Variants in ACP4 observed in about 807,000 individuals in gnomAD.
The protein encoded by ACP4 is acid phosphatase 4, also known as testicular acid phosphatase.
In ACP4, 49 loss-of-function variants were observed where a neutral mutation model predicts 47.3. That is an observed-to-expected ratio of 1.04 (90% CI 0.82 to 1.32). The LOEUF (loss-of-function observed/expected upper bound fraction) is 1.32, where lower values mean the gene tolerates loss of function less well. Ranked by LOEUF, ACP4 falls within the 40% of genes most tolerant of loss-of-function variation. ACP4 has a pLI of 0.00. For synonymous variants in ACP4, 299 were observed against 265.3 expected (o/e 1.13, Z -1.23); for missense variants, 594 against 579.3 (o/e 1.03, Z -0.26).
Position 50,794,980 on chromosome 19 carries a change from G to A in ACP4, c.1165+16G>A, listed in dbSNP as rs757209216. 1.2e-6 allele frequency: 2 copies of A among 1,613,554 alleles called. No homozygotes were observed. Among genetic ancestry groups the A allele is most frequent in the South Asian group, 1.1e-5 (1 of 91,058 alleles). ...ATCCCCCCAGGTGACAGTCCTCTGTGTTGGGGTGGGAGTGGAGGGTTGCCA... is the reference window on the plus strand; with the variant it reads ...ATCCCCCCAGGTGACAGTCCTCTGTATTGGGGTGGGAGTGGAGGGTTGCCA... On this transcript the variant is annotated intron_variant, in intron 10 of 10. Transcript: ENST00000270593.
At chr19:50,794,047 C>T (rs932293123) in intron 8 of ACP4, 77 bp downstream of exon 8, 5 of 1,541,334 alleles carry the variant, frequency 3.2e-6, no homozygotes, top group African/African-American at 1.4e-5. Flanking sequence ...TGAGGAAGAG[C>T]CTGTGGTCCC....
At position 50,792,139 on chromosome 19, in the gene ACP4, G is replaced by A. The variant is rs370665864; in HGVS notation, c.517G>A (p.Ala173Thr). ...GCTGCTGCGGGAGGCCACCGAGGCCGCCGAGTACCAGGAGGCCCTGGAGGG... is the reference window on the plus strand; with the variant it reads ...GCTGCTGCGGGAGGCCACCGAGGCCACCGAGTACCAGGAGGCCCTGGAGGG... Reference protein sequence around the residue: ...HELLREATEAAEYQEALEGWT... With the variant: ...HELLREATEATEYQEALEGWT... Residue 173 changes from alanine (A) to threonine (T), a missense_variant, in exon 5 of 11, where the codon GCC becomes ACC. Physicochemically the swap from Ala to Thr is moderately conservative, Grantham distance 58 (BLOSUM62 0). Transcript: ENST00000270593. 22 of 1,608,562 alleles carry A rather than the reference G, an allele frequency of 1.4e-5. No homozygotes were observed. The highest frequency in any genetic ancestry group is 1.2e-4 in the African/African-American group (9 of 74,860).
chr19:50,791,888 G>A lies in ACP4; in HGVS notation c.450+86G>A, dbSNP rs534484960. ...GGGTCTGGCCGCCTGAGCTGGCTCC[G>A]AGAAGCAAGACTGTCCTCGAGCTGG... is the stretch of plus-strand genomic sequence containing the variant. On this transcript the variant is annotated intron_variant, in intron 4 of 10. Transcript: ENST00000270593. 1.8e-4 allele frequency: 273 copies of A among 1,497,322 alleles called. No homozygotes were observed. The Admixed American group carries it at 5.2e-3, about 29-fold the overall frequency. 92.8% of individuals were successfully genotyped at this position (1,497,322 alleles called of 1,614,324 possible).
Position 50,790,587 on chromosome 19 carries a change from T to C in ACP4, c.112-7T>C, listed in dbSNP as rs1199251934. 2 of 1,549,092 alleles carry C rather than the reference T, an allele frequency of 1.3e-6. No homozygotes were observed. Among genetic ancestry groups the C allele is most frequent in the Non-Finnish European group, 1.7e-6 (2 of 1,146,880 alleles). ...CCAGGGCTAGCCCTGACCAGTCCTG[T>C]CCCCAGGTATTCCGCCATGGCGACC... On this transcript the variant is annotated splice_polypyrimidine_tract_variant and splice_region_variant and intron_variant, in intron 1 of 10. Coordinates refer to ENST00000270593, the MANE Select transcript of ACP4 (RefSeq NM_033068.3).
chr19:50,790,636 A>T lies in ACP4; in HGVS notation c.154A>T (p.Met52Leu), dbSNP rs1486775035. 6.4e-7 allele frequency: 1 copy of T among 1,551,968 alleles called. No homozygotes were observed. Among genetic ancestry groups the T allele is most frequent in the African/African-American group, 1.4e-5 (1 of 73,256 alleles). The change falls in exon 2 of 11, where the codon ATG becomes TTG. Residue 52 changes from methionine to leucine, a missense_variant. By Grantham distance (15) the Met-to-Leu change is conservative. Coordinates refer to ENST00000270593, the MANE Select transcript of ACP4 (RefSeq NM_033068.3). ...GDRAPLASYP[M>L]DPHKEVASTL... ...CCGGGCCCCGCTGGCCTCCTACCCC[A>T]TGGACCCACACAAGGAGGTGGCCTC...
intron 6 of ACP4, 53 bp from the exon 7 acceptor site, chr19:50,793,631 C>A: frequency 1.9e-6 from 3 of 1,596,588 alleles, no homozygotes; most frequent in Non-Finnish European, 2.6e-6. Flanking sequence ...GCCTGCGGGG[C>A]CAGAGGCAAA....
chr19:50,792,010 G>C (rs560484483), intron 4 of ACP4, 63 bp from the exon 5 acceptor site: 1 of 1,505,192 alleles, frequency 6.6e-7, no homozygotes, highest in Non-Finnish European at 8.9e-7. Context: ...GGGTTCCCCC[G>C]ACCCGCTGTG....
intron 4 of ACP4, 72 bp downstream of exon 4, chr19:50,791,874 C>A: frequency 6.6e-7 from 1 of 1,511,114 alleles, no homozygotes. Context: ...GGTCTGGCCG[C>A]CTGAGCTGGC....
At chr19:50,794,344 C>A in intron 8 of ACP4, 113 bp from the exon 9 acceptor site, 1 of 1,457,808 alleles carries the variant, frequency 6.9e-7, no homozygotes, top group Non-Finnish European at 9.2e-7. Context: ...GAAGGAGTAG[C>A]TTTGGGGGGT....
intron 9 of ACP4, 94 bp downstream of exon 9, chr19:50,794,675 C>G (rs1377212914): frequency 5.6e-6 from 9 of 1,599,950 alleles, no homozygotes; most frequent in South Asian, 1.1e-5. Flanking sequence ...AGGTGGGGAG[C>G]TGCATGGGAT....
rs986335392 is a variant in ACP4, at chr19:50,791,521, C to T, written c.304-135C>T. 65 of 1,323,446 alleles carry T rather than the reference C, an allele frequency of 4.9e-5. No homozygotes were observed. The African/African-American group carries it at 8.9e-4, about 18-fold the overall frequency. 82.0% of individuals were successfully genotyped at this position (1,323,446 alleles called of 1,614,324 possible). On this transcript the variant is annotated intron_variant, in intron 3 of 10. Coordinates refer to ENST00000270593, the MANE Select transcript of ACP4 (RefSeq NM_033068.3). ...CCTCTGGACCCTTGATCCCAACTTC[C>T]AACTTCGAAGGCCACATGATTCTCA... is the stretch of plus-strand genomic sequence containing the variant.
intron 6 of ACP4, chr19:50,793,450 G>A: frequency 1.8e-6 from 1 of 557,146 alleles, no homozygotes; most frequent in Non-Finnish European, 3.1e-6. Context: ...GAGAGGCAAG[G>A]GTTGCAGACA....
In ACP4 at chr19:50,795,170, G is replaced by C; in HGVS notation, c.*12G>C. On this transcript the variant is annotated 3_prime_UTR_variant, in exon 11 of 11. Transcript: ENST00000270593. ...GGGGCCCCGTGTGAGCCAGAAACCAGGGCTTCCCTACCCCCAGCTGACACT... is the reference window on the plus strand; with the variant it reads ...GGGGCCCCGTGTGAGCCAGAAACCACGGCTTCCCTACCCCCAGCTGACACT... 6.5e-7 allele frequency: 1 copy of C among 1,531,130 alleles called. No homozygotes were observed. The highest frequency in any genetic ancestry group is 8.8e-7 in the Non-Finnish European group (1 of 1,142,190). 94.8% of individuals were successfully genotyped at this position (1,531,130 alleles called of 1,614,324 possible). A position where few individuals can be genotyped will look rare whatever the true frequency, so the allele number is the denominator to read the frequency against.
chr19:50,791,926 A>G (rs1275433236), intron 4 of ACP4, 124 bp downstream of exon 4: 1 of 1,460,012 alleles, frequency 6.8e-7, no homozygotes. Context: ...TGTCCAGACC[A>G]GGGTGAGCCC....
rs74407135 is a variant in ACP4, at chr19:50,791,727, C to T, written c.375C>T (p.Pro125=). 2.5e-3 allele frequency: 4,021 copies of T among 1,613,146 alleles called. 110 individuals carry two copies. The African/African-American group carries it at 0.048, about 19-fold the overall frequency. Residue 125 remains proline (P), a synonymous_variant, in exon 4 of 11, where the codon CCC becomes CCT. Transcript: ENST00000270593. ...SAQANLAGLF[P]EAAPGSPEAR... Reference sequence around the variant, plus strand: ...AGGCCAACCTTGCCGGGCTGTTTCCCGAGGCTGCTCCAGGGAGCCCCGAGG... The same window carrying T: ...AGGCCAACCTTGCCGGGCTGTTTCCTGAGGCTGCTCCAGGGAGCCCCGAGG...
chr19:50,794,063 A>G, intron 8 of ACP4, 93 bp downstream of exon 8: 2 of 1,446,098 alleles, frequency 1.4e-6, no homozygotes, highest in Non-Finnish European at 1.9e-6. Flanking sequence ...GTCCCAGTGG[A>G]TCTCAGCCCA....
At position 50,793,799 on chromosome 19, in the gene ACP4, A is replaced by T; in HGVS notation, c.761A>T (p.Lys254Met). The T allele has an allele frequency of 6.2e-7, 1 of 1,613,962 alleles. No individual in the cohort carries two copies. The highest frequency in any genetic ancestry group is 2.2e-5 in the East Asian group (1 of 44,886). ...AHVGPPRAAE[K>M]AQLTGGILLN... ...GTGGGCCCACCCCGGGCAGCAGAGAAGGCCCAGCTGACAGGGGGTGAGGTG... is the reference window on the plus strand; with the variant it reads ...GTGGGCCCACCCCGGGCAGCAGAGATGGCCCAGCTGACAGGGGGTGAGGTG... The change falls in exon 7 of 11, where the codon AAG becomes ATG. Residue 254 changes from lysine to methionine, a missense_variant. By Grantham distance (95) the Lys-to-Met change is moderately conservative. Coordinates refer to ENST00000270593, the MANE Select transcript of ACP4 (RefSeq NM_033068.3).
At position 50,794,591 on chromosome 19, in the gene ACP4, G is replaced by A; in HGVS notation, c.986+10G>A. On this transcript the variant is annotated intron_variant, in intron 9 of 10. Transcript: ENST00000270593. ...CCGCCAAAGATGGAGGGTGAGAATG[G>A]TTTGGTGCCCAGGGACATGGGTGGG... 6.2e-7 allele frequency: 1 copy of A among 1,614,084 alleles called. No individual in the cohort carries two copies. Among genetic ancestry groups the A allele is most frequent in the East Asian group, 2.2e-5 (1 of 44,878 alleles).
intron 6 of ACP4, 183 bp from the exon 7 acceptor site, chr19:50,793,500 GC>G (rs1350368300): frequency 1.1e-6 from 1 of 881,944 alleles, no homozygotes; most frequent in Non-Finnish European, 1.7e-6. Context: ...AGGTGATGGA[GC>G]AAGGCTCCGT....
Sources: gnomAD v4.1 joint callset for allele counts on GRCh38, gnomAD v4.1.1 for gene constraint, MANE v1.5 for transcripts, NCBI Gene and HGNC (gene_info 2026-07-23, HGNC 2026-07-21) for gene names.